Variants in CTNNA3 observed in about 807,000 individuals in gnomAD.
CTNNA3 encodes catenin alpha-3.
A neutral mutation model predicts 95.7 loss-of-function variants in CTNNA3; 76 were observed. That is an observed-to-expected ratio of 0.79 (90% CI 0.66 to 0.96). The LOEUF (loss-of-function observed/expected upper bound fraction) is 0.96. CTNNA3 is among the 40% of genes least tolerant of loss of function. The pLI, the probability that CTNNA3 is intolerant of heterozygous loss-of-function variation, is 0.00. For missense variants in CTNNA3, 1,191 were observed against 1,089.8 expected (o/e 1.09, Z -1.31); for synonymous variants, 431 against 374.4 (o/e 1.15, Z -1.74).
intron 9 of CTNNA3, among the ~76,000 whole-genome samples, chr10:66,735,831 T>G (rs1291702406): frequency 6.6e-6 from 1 of 152,188 alleles, no homozygotes; most frequent in South Asian, 2.1e-4. Flanking sequence ...ATTCCTTGGC[T>G]CCACTGACCT....
In CTNNA3 at chr10:66,949,142, G is replaced by T. The variant is rs541239637; in HGVS notation, c.1048-173618C>A. Among the ~76,000 whole-genome samples, 22 of 152,288 alleles carry T rather than the reference G, an allele frequency of 1.4e-4. No individual in the cohort carries two copies. The South Asian group carries it at 4.1e-3, about 29-fold the overall frequency. On this transcript the variant is annotated intron_variant, in intron 7 of 17. Transcript: ENST00000433211. The stretch of plus-strand genomic sequence containing the variant: ...AATGGAGCCATTCAGCAATATGAAA[G>T]AATGCAGGCAAATTTCTATGATTAG...
At chr10:67,303,148 C>T (rs2132503859) in intron 5 of CTNNA3, among the ~76,000 whole-genome samples, 1 of 152,294 alleles carries the variant, frequency 6.6e-6, no homozygotes, top group South Asian at 2.1e-4. Flanking sequence ...TAACCAAGTG[C>T]TAATAGCTGT....
intron 5 of CTNNA3, among the ~76,000 whole-genome samples, chr10:67,371,941 T>C (rs1406879838): frequency 6.6e-6 from 1 of 152,242 alleles, no homozygotes; most frequent in African/African-American, 2.4e-5. Flanking sequence ...TGAGATGGTA[T>C]CTCATTGTGG....
chr10:67,536,212 G>C (rs1434725998), intron 4 of CTNNA3, among the ~76,000 whole-genome samples: 2 of 152,122 alleles, frequency 1.3e-5, no homozygotes, highest in Admixed American at 1.3e-4. Flanking sequence ...TAGAAAAGGG[G>C]AGACATAGGT....
At chr10:65,971,158 A>G (rs1181571317) in intron 16 of CTNNA3, among the ~76,000 whole-genome samples, 1 of 152,016 alleles carries the variant, frequency 6.6e-6, no homozygotes, top group Non-Finnish European at 1.5e-5. Flanking sequence ...GGATGTAGCA[A>G]AAGTGCTGTT....
At chr10:67,740,539 C>A (rs1402832670) in intron 1 of CTNNA3, among the ~76,000 whole-genome samples, 2 of 151,296 alleles carry the variant, frequency 1.3e-5, no homozygotes, top group African/African-American at 2.4e-5. Flanking sequence ...ATTTATGCGG[C>A]CAAAAAACAT....
intron 7 of CTNNA3, among the ~76,000 whole-genome samples, chr10:66,785,503 C>T (rs982052406): frequency 3.9e-5 from 6 of 152,136 alleles, no homozygotes; most frequent in Non-Finnish European, 4.4e-5. Context: ...TGCATCTTCT[C>T]CTGCCCTCAG....
chr10:67,210,969 C>T (rs1864116620), intron 6 of CTNNA3, among the ~76,000 whole-genome samples: 2 of 152,154 alleles, frequency 1.3e-5, no homozygotes, highest in African/African-American at 2.4e-5. Flanking sequence ...AATCGGCATC[C>T]AAGAAAGCCC....
chr10:65,986,244 T>C (rs1422981198), intron 16 of CTNNA3, among the ~76,000 whole-genome samples: 2 of 150,020 alleles, frequency 1.3e-5, no homozygotes, highest in Admixed American at 6.7e-5. Flanking sequence ...CTGTACCCCA[T>C]ACATATATAG....
chr10:65,965,765 C>T (rs1042670279), intron 17 of CTNNA3, among the ~76,000 whole-genome samples: 1 of 151,952 alleles, frequency 6.6e-6, no homozygotes, highest in Non-Finnish European at 1.5e-5. Flanking sequence ...AGAACATTAA[C>T]TCATTGAGGG....
intron 10 of CTNNA3, among the ~76,000 whole-genome samples, chr10:66,609,693 A>C (rs1022766420): frequency 2.6e-5 from 4 of 152,034 alleles, no homozygotes; most frequent in African/African-American, 9.7e-5. Context: ...AGCATGGTGA[A>C]TCCTCAAAGA....
At chr10:66,079,578 A>C (rs2080667217) in intron 14 of CTNNA3, among the ~76,000 whole-genome samples, 1 of 151,914 alleles carries the variant, frequency 6.6e-6, no homozygotes, top group South Asian at 2.1e-4. Flanking sequence ...GTTTATGGAA[A>C]TTTGAAAATT....
At chr10:67,401,447 G>T (rs897410795) in intron 5 of CTNNA3, among the ~76,000 whole-genome samples, 1 of 152,148 alleles carries the variant, frequency 6.6e-6, no homozygotes, top group Non-Finnish European at 1.5e-5. Context: ...TGCAGTCCCA[G>T]AGACTGAAGA....
intron 17 of CTNNA3, among the ~76,000 whole-genome samples, chr10:65,947,948 T>C (rs958454252): frequency 6.6e-6 from 1 of 152,182 alleles, no homozygotes; most frequent in Non-Finnish European, 1.5e-5. Flanking sequence ...AAAACTTGCA[T>C]GAGACAAAGT....
chr10:66,358,097 GT>G (rs1185026902), intron 12 of CTNNA3, among the ~76,000 whole-genome samples: 2 of 152,076 alleles, frequency 1.3e-5, no homozygotes, highest in Non-Finnish European at 2.9e-5. Context: ...GTGATACCCT[GT>G]TTCATTCTTG....
intron 17 of CTNNA3, among the ~76,000 whole-genome samples, chr10:65,933,929 A>G (rs1243283244): frequency 6.6e-6 from 1 of 152,182 alleles, no homozygotes; most frequent in Admixed American, 6.6e-5. Flanking sequence ...GTTCTGGCAC[A>G]GATTCTTTTT....
intron 13 of CTNNA3, among the ~76,000 whole-genome samples, chr10:66,117,692 G>A (rs2082398518): frequency 6.6e-6 from 1 of 152,198 alleles, no homozygotes; most frequent in Admixed American, 6.5e-5. Context: ...GGCAGCAAAT[G>A]TGATTCTCCT....
At chr10:66,350,623 G>T (rs1344588661) in intron 12 of CTNNA3, among the ~76,000 whole-genome samples, 2 of 134,922 alleles carry the variant, frequency 1.5e-5, no homozygotes, top group African/African-American at 5.2e-5. Context: ...AAAAAAAAAA[G>T]CCTGGAGAAA....
chr10:67,468,208 T>C (rs1011777231), intron 5 of CTNNA3, among the ~76,000 whole-genome samples: 1 of 151,820 alleles, frequency 6.6e-6, no homozygotes, highest in African/African-American at 2.4e-5. Context: ...TAGGCCCCAG[T>C]ATGTGTTGTT....
Sources: allele counts gnomAD v4.1 joint callset (sites outside exome capture counted in the v4.1 genomes callset), GRCh38; gene constraint gnomAD v4.1.1; transcripts MANE v1.5; gene names NCBI Gene and HGNC (gene_info 2026-07-23, HGNC 2026-07-21).